TTLL5: variants seen among roughly 807,000 people sequenced by gnomAD.
TTLL5 encodes tubulin polyglutamylase TTLL5.
Under a neutral mutation model 168.4 loss-of-function variants are expected in TTLL5, and 132 were observed. The ratio of observed to expected loss-of-function variants is 0.78; its 90% CI spans 0.68 to 0.91. The LOEUF is 0.91. Among genes scored for constraint, TTLL5 ranks in the 40% least tolerant of loss-of-function variants. The pLI, the probability that TTLL5 is intolerant of heterozygous loss-of-function variation, is 0.00. For missense variants in TTLL5, 1,545 were observed against 1,581.5 expected (o/e 0.98, Z 0.39); for synonymous variants, 546 against 558.6 (o/e 0.98, Z 0.32).
At chr14:75,931,296 C>G (rs564744725) in intron 31 of TTLL5, among the ~76,000 whole-genome samples, 6 of 152,296 alleles carry the variant, frequency 3.9e-5, no homozygotes, top group African/African-American at 7.2e-5. Context: ...ATCATCCTCT[C>G]AAGACACACC....
intron 13 of TTLL5, 56 bp from the exon 14 acceptor site, chr14:75,733,933 C>A (rs993777782): frequency 7.7e-6 from 12 of 1,552,334 alleles, no homozygotes; most frequent in Middle Eastern, 1.7e-4. Context: ...CAGAGGGCGG[C>A]TATTCTGTTA....
At chr14:75,708,782 C>T (rs974366667) in intron 9 of TTLL5, among the ~76,000 whole-genome samples, 1 of 152,156 alleles carries the variant, frequency 6.6e-6, no homozygotes. Flanking sequence ...AACTACTATG[C>T]TGTGTTCTTC....
At chr14:75,792,859 A>G in intron 26 of TTLL5, 57 bp from the exon 27 acceptor site, 2 of 1,464,796 alleles carry the variant, frequency 1.4e-6, no homozygotes, top group East Asian at 4.7e-5. Context: ...TCATTATCCT[A>G]ATTTTTTTCA....
intron 11 of TTLL5, 27 bp from the exon 12 acceptor site, chr14:75,720,569 C>A: frequency 6.6e-7 from 1 of 1,518,034 alleles, no homozygotes; most frequent in South Asian, 1.1e-5. Flanking sequence ...GATATTGAGT[C>A]TGAAATTTAA....
intron 4 of TTLL5, among the ~76,000 whole-genome samples, chr14:75,682,828 A>C (rs1036100184): frequency 1.3e-5 from 2 of 151,430 alleles, no homozygotes; most frequent in African/African-American, 4.9e-5. Context: ...GAACAGTGGC[A>C]TGATCATAGT....
intron 28 of TTLL5, among the ~76,000 whole-genome samples, chr14:75,824,208 A>G (rs1482573857): frequency 1.3e-5 from 2 of 152,176 alleles, no homozygotes; most frequent in Admixed American, 6.5e-5. Context: ...TCTCTAGGGT[A>G]TATCTTCCAT....
intron 15 of TTLL5, chr14:75,744,662 T>C (rs939779647): frequency 1.4e-4 from 21 of 153,862 alleles, no homozygotes; most frequent in African/African-American, 4.3e-4. Flanking sequence ...TTGTGTCTTA[T>C]GTCTCAATTC....
At chr14:75,782,657 T>G in intron 25 of TTLL5, 84 bp downstream of exon 25, 4 of 1,171,404 alleles carry the variant, frequency 3.4e-6, no homozygotes, top group Non-Finnish European at 4.9e-6. Flanking sequence ...ATTAAATATT[T>G]CTAAAGCATG....
At position 75,681,553 on chromosome 14, in the gene TTLL5, C is replaced by A. The variant is rs1045431257; in HGVS notation, c.190C>A (p.His64Asn). 1.9e-6 allele frequency: 3 copies of A among 1,612,994 alleles called. No homozygotes were observed. The highest frequency in any genetic ancestry group is 3.3e-5 in the Admixed American group (2 of 59,982). Residue 64 changes from histidine to asparagine, a missense_variant, in exon 4 of 32, where the codon CAT becomes AAT. Transcript: ENST00000298832. ...ATTCTGTTTTTCTTTAGAACGTTAT[C>A]ATTTGTCTTATAAGATTGTACGAAC... ...NNIRVIGERY[H>N]LSYKIVRTDS...
At chr14:75,704,272 C>G (rs1467646818) in intron 7 of TTLL5, among the ~76,000 whole-genome samples, 1 of 152,222 alleles carries the variant, frequency 6.6e-6, no homozygotes, top group African/African-American at 2.4e-5. Context: ...GGCGCAGTGG[C>G]TCATGCCTGT....
At chr14:75,696,948 G>A (rs755972161) in intron 6 of TTLL5, among the ~76,000 whole-genome samples, 1 of 151,574 alleles carries the variant, frequency 6.6e-6, no homozygotes, top group Non-Finnish European at 1.5e-5. Flanking sequence ...GTGTAGATTA[G>A]ATGTCTGCAA....
chr14:75,954,405 T>G lies in TTLL5; in HGVS notation c.3824-19T>G. The G allele has an allele frequency of 6.2e-7, 1 of 1,613,744 alleles. No individual in the cohort carries two copies. The highest frequency in any genetic ancestry group is 8.5e-7 in the Non-Finnish European group (1 of 1,179,876). On this transcript the variant is annotated intron_variant, in intron 31 of 31. Coordinates refer to ENST00000298832, the MANE Select transcript of TTLL5 (RefSeq NM_015072.5). ...TGCTGTCATTTCATTCATTTCATGG[T>G]TGCCTTTCTCTTTTTCAGATCCTGC...
intron 29 of TTLL5, among the ~76,000 whole-genome samples, chr14:75,882,074 T>A (rs967046059): frequency 6.6e-6 from 1 of 152,240 alleles, no homozygotes; most frequent in Non-Finnish European, 1.5e-5. Flanking sequence ...TAAAATCTTA[T>A]GTTAATCTTT....
intron 23 of TTLL5, among the ~76,000 whole-genome samples, chr14:75,777,512 G>A (rs1056503113): frequency 2.0e-5 from 3 of 152,126 alleles, no homozygotes; most frequent in Admixed American, 6.6e-5. Context: ...AGTCAGCCAG[G>A]CCATTTTGTC....
At chr14:75,797,721 G>A (rs1286792630) in intron 27 of TTLL5, among the ~76,000 whole-genome samples, 1 of 152,076 alleles carries the variant, frequency 6.6e-6, no homozygotes, top group Admixed American at 6.5e-5. Context: ...CACATTTATT[G>A]ACTTGCGTAT....
chr14:75,893,773 G>A (rs1023886117), intron 30 of TTLL5, among the ~76,000 whole-genome samples: 22 of 144,264 alleles, frequency 1.5e-4, no homozygotes, highest in Non-Finnish European at 3.1e-4. Context: ...AGCCAAGATC[G>A]TGCCACTGCA....
chr14:75,775,430 G>A, intron 21 of TTLL5, 54 bp from the exon 22 acceptor site: 1 of 1,590,850 alleles, frequency 6.3e-7, no homozygotes, highest in Non-Finnish European at 8.6e-7. Flanking sequence ...CTTGTCTTCT[G>A]TTGCTTAGCA....
intron 23 of TTLL5, among the ~76,000 whole-genome samples, chr14:75,778,741 TG>T (rs1406391413): frequency 1.1e-3 from 161 of 152,318 alleles, no homozygotes; most frequent in African/African-American, 3.7e-3. Flanking sequence ...CTGCTACAGA[TG>T]TTAAAGTCCA....
chr14:75,710,725 A>G (rs950419740), intron 9 of TTLL5: 8 of 152,158 alleles, frequency 5.3e-5, no homozygotes, highest in Admixed American at 1.3e-4. Context: ...CTTTGTTGTA[A>G]CCCTCAGAGT....
Sources: gnomAD v4.1 joint callset for allele counts (sites outside exome capture counted in the v4.1 genomes callset) on GRCh38, gnomAD v4.1.1 for gene constraint, MANE v1.5 for transcripts, NCBI Gene and HGNC (gene_info 2026-07-23, HGNC 2026-07-21) for gene names.